MAGI2: variants seen among roughly 807,000 people sequenced by gnomAD.
MAGI2 encodes the protein membrane-associated guanylate kinase, WW and PDZ domain-containing protein 2.
In MAGI2, 35 loss-of-function variants were observed where a neutral mutation model predicts 133.3. The ratio of observed to expected loss-of-function variants is 0.26; its 90% CI spans 0.20 to 0.35. MAGI2 has a LOEUF of 0.35. Among genes scored for constraint, MAGI2 ranks in the 10% least tolerant of loss-of-function variants. The pLI is 1.00. For missense variants in MAGI2, 1,636 were observed against 1,863.4 expected (o/e 0.88, Z 2.25); for synonymous variants, 729 against 710.6 (o/e 1.03, Z -0.41).
chr7:79,400,053 T>G (rs1447299908), intron 1 of MAGI2, among the ~76,000 whole-genome samples: 2 of 152,218 alleles, frequency 1.3e-5, no homozygotes, highest in Non-Finnish European at 2.9e-5. Context: ...CTTGTGTTCA[T>G]GAACCACGTT....
chr7:78,634,512 T>G (rs1181679587), intron 2 of MAGI2, among the ~76,000 whole-genome samples: 2 of 152,178 alleles, frequency 1.3e-5, no homozygotes, highest in Non-Finnish European at 2.9e-5. Context: ...GAACACCTCT[T>G]TGGAAAGTAG....
intron 3 of MAGI2, among the ~76,000 whole-genome samples, chr7:78,550,411 T>C (rs1799235246): frequency 6.6e-6 from 1 of 152,182 alleles, no homozygotes; most frequent in Admixed American, 6.5e-5. Flanking sequence ...AGGATAAGCT[T>C]GGACTTAGGA....
intron 4 of MAGI2, among the ~76,000 whole-genome samples, chr7:78,509,132 ATT>A (rs11356651): frequency 1.3e-5 from 2 of 149,194 alleles, no homozygotes; most frequent in African/African-American, 4.9e-5. Flanking sequence ...CAGAACAAGA[ATT>A]TTTTTTTTTC....
At chr7:79,349,192 T>C (rs1341074050) in intron 1 of MAGI2, among the ~76,000 whole-genome samples, 1 of 152,014 alleles carries the variant, frequency 6.6e-6, no homozygotes, top group East Asian at 1.9e-4. Flanking sequence ...AATTAGGTGA[T>C]ATTATTTCTC....
chr7:78,801,077 A>T (rs1173842559), intron 2 of MAGI2, among the ~76,000 whole-genome samples: 1 of 152,140 alleles, frequency 6.6e-6, no homozygotes, highest in Non-Finnish European at 1.5e-5. Flanking sequence ...AGGATGTTTG[A>T]TCATATTTGG....
At chr7:78,127,566 G>T in intron 18 of MAGI2, 150 bp from the exon 19 acceptor site, 3 of 608,754 alleles carry the variant, frequency 4.9e-6, no homozygotes, top group Non-Finnish European at 8.5e-6. Flanking sequence ...ATTATGAGAA[G>T]GTTAAATATT....
chr7:78,744,755 T>A (rs2151263066), intron 2 of MAGI2, among the ~76,000 whole-genome samples: 2 of 152,358 alleles, frequency 1.3e-5, no homozygotes, highest in Middle Eastern at 6.8e-3. Context: ...TTTTAAACTT[T>A]AGCAGTGATT....
intron 1 of MAGI2, among the ~76,000 whole-genome samples, chr7:79,113,895 A>G (rs533071412): frequency 8.7e-4 from 133 of 152,090 alleles, no homozygotes; most frequent in Middle Eastern, 6.8e-3. Flanking sequence ...GACTATTTCT[A>G]TCTTGAATTA....
At chr7:79,047,111 C>T (rs1404806486) in intron 1 of MAGI2, among the ~76,000 whole-genome samples, 2 of 151,958 alleles carry the variant, frequency 1.3e-5, no homozygotes, top group South Asian at 2.1e-4. Flanking sequence ...TATGATGAGG[C>T]TATTTTATTA....
intron 2 of MAGI2, among the ~76,000 whole-genome samples, chr7:78,825,006 A>G (rs1383403364): frequency 6.6e-6 from 1 of 152,030 alleles, no homozygotes; most frequent in African/African-American, 2.4e-5. Flanking sequence ...CATAAGTGGG[A>G]GTTGAATAAT....
At chr7:79,396,005 C>T (rs764534235) in intron 1 of MAGI2, among the ~76,000 whole-genome samples, 1 of 152,106 alleles carries the variant, frequency 6.6e-6, no homozygotes, top group Non-Finnish European at 1.5e-5. Flanking sequence ...ATGTGTGTCA[C>T]TTTCTCTGTC....
At chr7:78,675,361 A>C (rs996932485) in intron 2 of MAGI2, among the ~76,000 whole-genome samples, 1 of 152,056 alleles carries the variant, frequency 6.6e-6, no homozygotes, top group Non-Finnish European at 1.5e-5. Flanking sequence ...AGACAGCAAG[A>C]ATAAGCTAGT....
At chr7:79,079,276 A>C (rs1222658124) in intron 1 of MAGI2, among the ~76,000 whole-genome samples, 1 of 152,138 alleles carries the variant, frequency 6.6e-6, no homozygotes, top group African/African-American at 2.4e-5. Context: ...AATCTGGGGG[A>C]AGAAGGTGAA....
At chr7:78,522,224 T>A (rs1469396342) in intron 3 of MAGI2, among the ~76,000 whole-genome samples, 1 of 151,860 alleles carries the variant, frequency 6.6e-6, no homozygotes, top group African/African-American at 2.4e-5. Flanking sequence ...TTACCACAGC[T>A]TTTTTTTGCC....
In MAGI2 at chr7:78,513,766, T is replaced by C. The variant is rs569058561; in HGVS notation, c.754+7664A>G. Among the ~76,000 whole-genome samples the C allele has an allele frequency of 6.6e-5, 10 of 152,050 alleles. No homozygotes were observed. In the South Asian group the frequency reaches 1.5e-3, roughly 22 times the overall value. On this transcript the variant is annotated intron_variant, in intron 4 of 21. Coordinates refer to ENST00000354212, the MANE Select transcript of MAGI2 (RefSeq NM_012301.4). ...AGTAGAGAAACACTCTCCCCAGAGG[T>C]TGAGTGCATGCAATGCTGAATCTGT...
At chr7:79,048,041 T>A (rs192588386) in intron 1 of MAGI2, among the ~76,000 whole-genome samples, 296 of 152,304 alleles carry the variant, frequency 1.9e-3, no homozygotes, top group African/African-American at 6.9e-3. Flanking sequence ...TGTCAAAGCA[T>A]GGGGCTTTGC....
At chr7:78,036,270 A>G (rs1213566877) in intron 21 of MAGI2, among the ~76,000 whole-genome samples, 2 of 152,184 alleles carry the variant, frequency 1.3e-5, no homozygotes, top group Non-Finnish European at 2.9e-5. Context: ...CTTTGTGCAA[A>G]TTACTTAACT....
At chr7:78,838,578 T>C (rs555084382) in intron 2 of MAGI2, among the ~76,000 whole-genome samples, 173 of 152,016 alleles carry the variant, frequency 1.1e-3, no homozygotes, top group African/African-American at 4.0e-3. Context: ...TGATGTGTAC[T>C]GTCAGAATAA....
chr7:79,444,189 A>G (rs1357569258), intron 1 of MAGI2, among the ~76,000 whole-genome samples: 1 of 152,212 alleles, frequency 6.6e-6, no homozygotes, highest in African/African-American at 2.4e-5. Context: ...TATCTATGAC[A>G]AACCCACAGT....
Sources: gnomAD v4.1 joint callset for allele counts (sites outside exome capture counted in the v4.1 genomes callset) on GRCh38, gnomAD v4.1.1 for gene constraint, MANE v1.5 for transcripts, NCBI Gene and HGNC (gene_info 2026-07-23, HGNC 2026-07-21) for gene names.